The following CBX1 variants were observed in gnomAD, a reference collection of about 807,000 sequenced individuals.
The protein encoded by CBX1 is chromobox protein homolog 1.
Under a neutral mutation model 25.1 loss-of-function variants are expected in CBX1, and 10 were observed. That is an observed-to-expected ratio of 0.40 (90% CI 0.25 to 0.68). CBX1 has a LOEUF of 0.68. CBX1 is among the 30% of genes least tolerant of loss of function. The pLI is 0.40. For synonymous variants in CBX1, 63 were observed against 79.4 expected, an observed-to-expected ratio of 0.79 and a Z score of 1.10; for missense variants, 106 against 218.5, an observed-to-expected ratio of 0.49 and a Z score of 3.25.
chr17:48,091,715 G>T (rs1315740531), intron 1 of CBX1, among the ~76,000 whole-genome samples: 1 of 150,270 alleles, frequency 6.7e-6, no homozygotes, highest in Non-Finnish European at 1.5e-5. Flanking sequence ...CTAATTTTTT[G>T]AATTTTTAGT....
intron 1 of CBX1, among the ~76,000 whole-genome samples, chr17:48,082,071 T>G (rs952834051): frequency 1.3e-5 from 2 of 152,054 alleles, no homozygotes; most frequent in Non-Finnish European, 2.9e-5. Context: ...GGCAACGTAG[T>G]GAGACCCCAT....
intron 1 of CBX1, chr17:48,100,456 C>G (rs2063402449): frequency 6.6e-6 from 1 of 152,388 alleles, no homozygotes; most frequent in South Asian, 2.1e-4. Flanking sequence ...TTTTAACTCC[C>G]CAAAGGAATC....
At chr17:48,099,181 C>A (rs1159148228) in intron 1 of CBX1, among the ~76,000 whole-genome samples, 1 of 151,768 alleles carries the variant, frequency 6.6e-6, no homozygotes, top group Admixed American at 6.6e-5. Flanking sequence ...CGGCTCACTG[C>A]AACCTCTGCC....
chr17:48,084,271 G>A (rs1319132776), intron 1 of CBX1, among the ~76,000 whole-genome samples: 1 of 22 alleles, frequency 0.045, no homozygotes, highest in Non-Finnish European at 0.056. Flanking sequence ...GAGTGCAGTG[G>A]TGCTAATCAT....
In CBX1 at chr17:48,075,059, C is replaced by T. The variant is rs1408505956; in HGVS notation, c.360G>A (p.Glu120=). The T allele has an allele frequency of 1.2e-6, 2 of 1,614,188 alleles. No homozygotes were observed. The highest frequency in any genetic ancestry group is 1.6e-4 in the Middle Eastern group (1 of 6,062). Residue 120 remains glutamate, a synonymous_variant, in exon 4 of 5, where the codon GAG becomes GAA. Transcript: ENST00000225603. ...PRGFARGLEP[E]RIIGATDSSG... Reference sequence around the variant, plus strand: ...TGGAGTCTGTAGCTCCAATAATCCGCTCCGGCTCCAAACCTCGAGCAAAGC... The same window carrying T: ...TGGAGTCTGTAGCTCCAATAATCCGTTCCGGCTCCAAACCTCGAGCAAAGC...
At chr17:48,074,608 C>CT (rs1227999836) in intron 4 of CBX1, among the ~76,000 whole-genome samples, 1 of 152,150 alleles carries the variant, frequency 6.6e-6, no homozygotes, top group Admixed American at 6.5e-5. Flanking sequence ...ACTACAGATT[C>CT]TTTCCTAACC....
intron 1 of CBX1, among the ~76,000 whole-genome samples, chr17:48,095,231 G>A (rs534168679): frequency 6.6e-6 from 1 of 151,942 alleles, no homozygotes; most frequent in Non-Finnish European, 1.5e-5. Context: ...ATTTTTACTT[G>A]CACATACAAT....
chr17:48,101,227 G>A, intron 1 of CBX1, 41 bp downstream of exon 1: 1 of 990,004 alleles, frequency 1.0e-6, no homozygotes, highest in Non-Finnish European at 1.2e-6. Flanking sequence ...CCGCCGCCGC[G>A]CCCCCTCCCC....
intron 4 of CBX1, 65 bp from the exon 5 acceptor site, chr17:48,071,644 C>G: frequency 1.8e-5 from 25 of 1,375,232 alleles, no homozygotes; most frequent in Non-Finnish European, 2.4e-5. Flanking sequence ...AGTTGGATAA[C>G]CCAGGGGACA....
chr17:48,089,679 T>C (rs12951550), intron 1 of CBX1, among the ~76,000 whole-genome samples: 2 of 145,650 alleles, frequency 1.4e-5, no homozygotes, highest in Non-Finnish European at 3.0e-5. Context: ...CAAAATTAGC[T>C]GGGCGTGGTG....
chr17:48,075,077 A>G lies in CBX1; in HGVS notation c.342T>C (p.Ala114=), dbSNP rs1287313333. The G allele has an allele frequency of 1.2e-6, 2 of 1,613,916 alleles. No individual in the cohort carries two copies. The highest frequency in any genetic ancestry group is 2.2e-5 in the East Asian group (1 of 44,898). The part of the protein sequence containing the change: ...KEESEKPRGF[A]RGLEPERIIG... ...TAATCCGCTCCGGCTCCAAACCTCGAGCAAAGCCTCGTGGCTTTTCTGACT... is the reference window on the plus strand; with the variant it reads ...TAATCCGCTCCGGCTCCAAACCTCGGGCAAAGCCTCGTGGCTTTTCTGACT... Residue 114 remains alanine (A), a synonymous_variant, in exon 4 of 5, where the codon GCT becomes GCC. Transcript: ENST00000225603.
intron 1 of CBX1, among the ~76,000 whole-genome samples, chr17:48,079,300 T>C (rs2144437779): frequency 6.8e-6 from 1 of 148,038 alleles, no homozygotes; most frequent in Admixed American, 6.8e-5. Context: ...GAGACAGGGA[T>C]TCGCCATGTT....
intron 1 of CBX1, among the ~76,000 whole-genome samples, chr17:48,089,927 C>CTT (rs1038383924): frequency 6.9e-6 from 1 of 145,612 alleles, no homozygotes; most frequent in African/African-American, 2.5e-5. Flanking sequence ...TTATTTGTGA[C>CTT]TTTTTTTTTT....
chr17:48,081,694 G>A (rs1436979444), intron 1 of CBX1, among the ~76,000 whole-genome samples: 1 of 151,992 alleles, frequency 6.6e-6, no homozygotes, highest in Non-Finnish European at 1.5e-5. Flanking sequence ...TGCCTGCCTC[G>A]GCCTCCCAAA....
chr17:48,082,066 C>T (rs1256781928), intron 1 of CBX1, among the ~76,000 whole-genome samples: 2 of 152,034 alleles, frequency 1.3e-5, no homozygotes, highest in Admixed American at 6.6e-5. Context: ...GCCTGGGCAA[C>T]GTAGTGAGAC....
At chr17:48,095,482 G>A (rs2063369149) in intron 1 of CBX1, among the ~76,000 whole-genome samples, 1 of 152,102 alleles carries the variant, frequency 6.6e-6, no homozygotes, top group South Asian at 2.1e-4. Context: ...CCAGCTACCT[G>A]GGAGGCTGAG....
chr17:48,087,887 AAAAG>A (rs2063321724), intron 1 of CBX1, among the ~76,000 whole-genome samples: 1 of 151,772 alleles, frequency 6.6e-6, no homozygotes, highest in South Asian at 2.1e-4. Flanking sequence ...AAAAAAAAAA[AAAAG>A]AAAACAGAAA....
At chr17:48,095,777 C>T (rs2063371353) in intron 1 of CBX1, 1 of 152,254 alleles carries the variant, frequency 6.6e-6, no homozygotes, top group Non-Finnish European at 1.5e-5. Context: ...TGTTTCTAAA[C>T]TGCTTGTAGT....
intron 1 of CBX1, among the ~76,000 whole-genome samples, chr17:48,091,945 C>T (rs1283884323): frequency 1.3e-5 from 2 of 148,194 alleles, no homozygotes; most frequent in Non-Finnish European, 3.0e-5. Context: ...ACTCAAAGTA[C>T]TCAGGTTACA....
Sources: allele counts gnomAD v4.1 joint callset (sites outside exome capture counted in the v4.1 genomes callset), GRCh38; gene constraint gnomAD v4.1.1; transcripts MANE v1.5; gene names NCBI Gene and HGNC (gene_info 2026-07-23, HGNC 2026-07-21).